Variants in ENO4 observed in about 807,000 individuals in gnomAD.
ENO4 encodes the protein enolase 4.
Under a neutral mutation model 63.2 loss-of-function variants are expected in ENO4, and 53 were observed. The observed-to-expected ratio is 0.84, with a 90% CI of 0.67 to 1.05. ENO4 has a LOEUF of 1.05. Among genes scored for constraint, ENO4 ranks in the 50% least tolerant of loss-of-function variants. The probability of loss-of-function intolerance (pLI) is 0.00; values close to 1 mark genes in which losing one functional copy is unlikely to be tolerated. For synonymous variants in ENO4, 266 were observed against 283.8 expected (o/e 0.94, Z 0.63); for missense variants, 719 against 772.0 (o/e 0.93, Z 0.81).
rs1846137163 is a variant in ENO4 at position 116,853,166 on chromosome 10, G to A, written c.166-2457G>A. 2.0e-5 allele frequency among the ~76,000 whole-genome samples: 3 copies of A among 152,020 alleles called. No individual in the cohort carries two copies. The South Asian group carries it at 6.2e-4, about 32-fold the overall frequency. ...AAAAATTAGCTGGGAGTGGTGTCGGGCGACTGTAGTCCCAGCTACTCGTGA... is the reference window on the plus strand; with the variant it reads ...AAAAATTAGCTGGGAGTGGTGTCGGACGACTGTAGTCCCAGCTACTCGTGA... On this transcript the variant is annotated intron_variant, in intron 1 of 13. Coordinates refer to ENST00000341276, the MANE Select transcript of ENO4 (RefSeq NM_001242699.2).
In ENO4 at chr10:116,888,703, T is replaced by G. The variant is rs376722440; in HGVS notation, c.1194+8717T>G. ...GCTGGAGAAACTGTGGGCCAGTCAC[T>G]GCCACATGCCAGTTAGGTGAGTCAG... On this transcript the variant is annotated intron_variant, in intron 10 of 10. Coordinates refer to the ENO4 transcript ENST00000369207. Among the ~76,000 whole-genome samples the G allele has an allele frequency of 1.3e-3, 203 of 152,356 alleles. 1 individual carries two copies. The highest frequency in any genetic ancestry group is 4.8e-3 in the African/African-American group (198 of 41,570).
Position 116,860,969 on chromosome 10 carries a change from T to A in ENO4, c.804+6T>A, listed in dbSNP as rs1359673767. On this transcript the variant is annotated splice_donor_region_variant and intron_variant, in intron 5 of 13. Transcript: ENST00000341276. ...CTCTACTGAAGCACAATCAGGTTAG[T>A]ATCTATGAAGTTCCATTAAAAGGAG... 1 of 1,537,808 alleles carries A rather than the reference T, an allele frequency of 6.5e-7. No individual in the cohort carries two copies. The highest frequency in any genetic ancestry group is 8.8e-7 in the Non-Finnish European group (1 of 1,137,920).
chr10:116,910,383 T>C (rs1406297592), intron 10 of ENO4, among the ~76,000 whole-genome samples: 1 of 152,234 alleles, frequency 6.6e-6, no homozygotes, highest in Middle Eastern at 3.2e-3. Context: ...CTAAAAAAGA[T>C]GTCTTAAAAT....
Position 116,855,545 on chromosome 10 carries a change from G to C in ENO4, c.166-78G>C. ...ATGTGAATGACCTTTTGAAGATAAAGTAGATATGGTATTGTGACTTTTTTC... is the reference window on the plus strand; with the variant it reads ...ATGTGAATGACCTTTTGAAGATAAACTAGATATGGTATTGTGACTTTTTTC... On this transcript the variant is annotated intron_variant, in intron 1 of 13. Coordinates refer to ENST00000341276, the MANE Select transcript of ENO4 (RefSeq NM_001242699.2). The C allele has an allele frequency of 2.0e-6, 3 of 1,503,838 alleles. No homozygotes were observed. In the South Asian group the frequency reaches 3.6e-5, roughly 18 times the overall value. The allele number at this position is 1,503,838 out of a possible 1,614,324, so 93.2% of individuals were successfully genotyped here. A position where few individuals can be genotyped will look rare whatever the true frequency, so the allele number is the denominator to read the frequency against.
intron 13 of ENO4, 150 bp from the exon 14 acceptor site, chr10:116,881,365 T>TA: frequency 1.7e-6 from 1 of 584,382 alleles, no homozygotes; most frequent in Non-Finnish European, 3.0e-6. Context: ...TAACCAAAGA[T>TA]ACGCCCAGTT....
chr10:116,859,305 T>C (rs1350413218), intron 4 of ENO4, among the ~76,000 whole-genome samples, 167 bp downstream of exon 4: 1 of 152,180 alleles, frequency 6.6e-6, no homozygotes, highest in African/African-American at 2.4e-5. Context: ...TTTGCCCCCA[T>C]CCCACTCTCC....
At chr10:116,853,542 G>C (rs1436590243) in intron 1 of ENO4, among the ~76,000 whole-genome samples, 1 of 152,106 alleles carries the variant, frequency 6.6e-6, no homozygotes. Context: ...TTGAGATATA[G>C]TGATAAAGAA....
At chr10:116,858,279 T>G (rs1846323397) in intron 3 of ENO4, among the ~76,000 whole-genome samples, 1 of 152,208 alleles carries the variant, frequency 6.6e-6, no homozygotes, top group African/African-American at 2.4e-5. Flanking sequence ...ATGTAAAGTT[T>G]CTTAGTTATT....
intron 1 of ENO4, among the ~76,000 whole-genome samples, chr10:116,851,668 T>G (rs969689638): frequency 9.9e-5 from 15 of 152,176 alleles, no homozygotes; most frequent in African/African-American, 3.4e-4. Context: ...CAGAACCTCC[T>G]GTGGCTTTCC....
chr10:116,887,486 A>G (rs1029533063), downstream of ENO4, among the ~76,000 whole-genome samples: 3 of 151,958 alleles, frequency 2.0e-5, no homozygotes, highest in African/African-American at 4.8e-5. Context: ...GTTAACCATG[A>G]CCCGGCACAC....
intron 8 of ENO4, among the ~76,000 whole-genome samples, chr10:116,870,774 G>A (rs1164605894): frequency 6.6e-6 from 1 of 152,190 alleles, no homozygotes; most frequent in Admixed American, 6.5e-5. Context: ...GACAGACAGG[G>A]TGGACATTTA....
At position 116,856,517 on chromosome 10, in the gene ENO4, C is replaced by T; in HGVS notation, c.320C>T (p.Thr107Ile). 2.0e-6 allele frequency: 3 copies of T among 1,535,890 alleles called. No individual in the cohort carries two copies. The highest frequency in any genetic ancestry group is 1.2e-5 in the South Asian group (1 of 84,032). ...PKNVCSVVISTHFEVHENALP... is the reference protein window; with the variant it reads ...PKNVCSVVISIHFEVHENALP... ...AACGTATGTTCTGTGGTGATCTCGA[C>T]TCATTTTGAAGTCCATGAGAATGCT... The change falls in exon 3 of 14, where the codon ACT becomes ATT. Residue 107 changes from threonine (T) to isoleucine (I), a missense_variant. Physicochemically the swap from Thr to Ile is moderately conservative, Grantham distance 89. Coordinates refer to ENST00000341276, the MANE Select transcript of ENO4 (RefSeq NM_001242699.2).
chr10:116,878,741 T>TG (rs1846907242), intron 11 of ENO4, among the ~76,000 whole-genome samples: 1 of 70,378 alleles, frequency 1.4e-5, no homozygotes, highest in Non-Finnish European at 3.0e-5. Flanking sequence ...AAATCATATA[T>TG]CTTTTTTTTT....
In ENO4 at chr10:116,879,350, G is replaced by C; in HGVS notation, c.1597G>C (p.Val533Leu). The change falls in exon 12 of 14, where the codon GTC (valine) becomes CTC (leucine). Residue 533 changes from valine to leucine, a missense_variant. Val to Leu is a conservative substitution (Grantham distance 32, BLOSUM62 1). This residue lies in a region of ENO4 where 168 missense variants were observed against 163.3 expected (regional missense o/e 1.03). Coordinates refer to ENST00000341276, the MANE Select transcript of ENO4 (RefSeq NM_001242699.2). ...AGGAGAATCATCTGATGACAGCCTT[G>C]TCGATTTGGTAAGTGCTGAATGCTG... ...TEGESSDDSL[V>L]DLAVGLGVRF... The C allele has an allele frequency of 6.5e-7, 1 of 1,549,838 alleles. No homozygotes were observed. Among genetic ancestry groups the C allele is most frequent in the Non-Finnish European group, 8.7e-7 (1 of 1,146,362 alleles).
At chr10:116,895,070 T>A (rs79438462) in intron 10 of ENO4, among the ~76,000 whole-genome samples, 12 of 151,694 alleles carry the variant, frequency 7.9e-5, no homozygotes, top group African/African-American at 2.9e-4. Context: ...TAAAAAGGCA[T>A]AGAATAAAGT....
chr10:116,877,085 T>C (rs1279476520), intron 11 of ENO4, among the ~76,000 whole-genome samples: 1 of 152,076 alleles, frequency 6.6e-6, no homozygotes, highest in Non-Finnish European at 1.5e-5. Flanking sequence ...TAGCCAGGCT[T>C]CCGGCTACAA....
At chr10:116,867,455 G>A (rs748570059) in intron 7 of ENO4, among the ~76,000 whole-genome samples, 3 of 151,636 alleles carry the variant, frequency 2.0e-5, no homozygotes, top group Admixed American at 1.3e-4. Flanking sequence ...CAGGCATGGC[G>A]GTGCACGCTT....
In ENO4 at chr10:116,861,221, TAAAA is replaced by T. The variant is rs56177931; in HGVS notation, c.936+44_936+47del. 3.3e-3 allele frequency: 970 copies of T among 295,020 alleles called. 2 individuals are homozygous for T. Among genetic ancestry groups the T allele is most frequent in the Middle Eastern group, 0.01 (8 of 798 alleles). 18.3% of individuals were successfully genotyped at this position (295,020 alleles called of 1,614,324 possible). The stretch of plus-strand genomic sequence containing the variant: ...TTACATTATCTTAAATTACCTTTTC[TAAAA>T]AAAAAAAAAAAATATATATATATAT... On this transcript the variant is annotated intron_variant, in intron 6 of 13. Coordinates refer to ENST00000341276, the MANE Select transcript of ENO4 (RefSeq NM_001242699.2).
chr10:116,888,672 T>TG (rs1847239087), intron 10 of ENO4, among the ~76,000 whole-genome samples: 1 of 152,142 alleles, frequency 6.6e-6, no homozygotes, highest in African/African-American at 2.4e-5. Flanking sequence ...GGAGGAGATG[T>TG]GGGGAGCTGG....
Sources: allele counts gnomAD v4.1 joint callset (sites outside exome capture counted in the v4.1 genomes callset), GRCh38; gene constraint gnomAD v4.1.1; regional missense constraint gnomAD v4.1.1; transcripts MANE v1.5; gene names NCBI Gene and HGNC (gene_info 2026-07-23, HGNC 2026-07-21).